The following MAGI1 variants were observed in gnomAD, a reference collection of about 807,000 sequenced individuals.
MAGI1 encodes membrane associated guanylate kinase, WW and PDZ domain containing 1.
In MAGI1, 58 loss-of-function variants were observed where a neutral mutation model predicts 139.9. That is an observed-to-expected ratio of 0.41 (90% CI 0.34 to 0.52). The LOEUF is 0.52. Ranked by LOEUF, MAGI1 falls within the 20% of genes least tolerant of loss-of-function variation. MAGI1 has a pLI of 0.12. For missense variants in MAGI1, 1,874 were observed against 1,901.6 expected, an observed-to-expected ratio of 0.99 and a Z score of 0.27; for synonymous variants, 812 against 737.9, an observed-to-expected ratio of 1.10 and a Z score of -1.63.
rs1294787264 is a variant in MAGI1 at position 65,356,493 on chromosome 3, C to T, written c.4274G>A (p.Ser1425Asn). ...ATTCGCCTCTTCCCTTTCTCGGTGG[C>T]TGGCTCTGTCCTCTCTGTTCCTTTT... ...LDKRNREDRA[S>N]HREREEANLK... The change falls in exon 23 of 23, where the codon AGC (serine) becomes AAC (asparagine). Residue 1425 changes from serine (S) to asparagine (N), a missense_variant. Transcript: ENST00000402939. 6.2e-7 allele frequency: 1 copy of T among 1,610,502 alleles called. No individual in the cohort carries two copies. Among genetic ancestry groups the T allele is most frequent in the African/African-American group, 1.3e-5 (1 of 74,704 alleles).
At chr3:66,012,512 A>C (rs2067374247) in intron 1 of MAGI1, among the ~76,000 whole-genome samples, 1 of 152,156 alleles carries the variant, frequency 6.6e-6, no homozygotes, top group South Asian at 2.1e-4. Context: ...AGATAAAAAC[A>C]GACAACCATT....
intron 3 of MAGI1, among the ~76,000 whole-genome samples, chr3:65,491,988 C>T (rs1575998066): frequency 6.6e-6 from 1 of 152,176 alleles, no homozygotes; most frequent in African/African-American, 2.4e-5. Flanking sequence ...CTCTAAGATT[C>T]ATGATCATGA....
intron 1 of MAGI1, among the ~76,000 whole-genome samples, chr3:65,888,364 T>C (rs1016806606): frequency 9.9e-5 from 15 of 152,166 alleles, no homozygotes; most frequent in South Asian, 4.1e-4. Flanking sequence ...CCAAGGGAAG[T>C]ACTGAGCAGG....
chr3:65,488,072 C>T (rs185859345), intron 3 of MAGI1, among the ~76,000 whole-genome samples: 3 of 152,186 alleles, frequency 2.0e-5, no homozygotes, highest in African/African-American at 4.8e-5. Context: ...CTAAGGGAAA[C>T]AGGGTGTGCT....
chr3:65,460,402 A>T (rs1949693947), intron 5 of MAGI1, among the ~76,000 whole-genome samples: 1 of 152,150 alleles, frequency 6.6e-6, no homozygotes, highest in Admixed American at 6.5e-5. Context: ...TCTGGAAGAC[A>T]TTATGTAGAA....
chr3:65,665,723 G>T (rs986346827), intron 1 of MAGI1, among the ~76,000 whole-genome samples: 2 of 152,050 alleles, frequency 1.3e-5, no homozygotes, highest in African/African-American at 4.8e-5. Flanking sequence ...ACAGTATGTG[G>T]ATCACTCTTG....
chr3:65,562,319 A>G (rs1217546286), intron 2 of MAGI1, among the ~76,000 whole-genome samples: 1 of 152,228 alleles, frequency 6.6e-6, no homozygotes, highest in Non-Finnish European at 1.5e-5. Flanking sequence ...CAGAAGAAAT[A>G]CTGCCAATTA....
At chr3:65,406,449 G>A (rs568179285) in intron 12 of MAGI1, among the ~76,000 whole-genome samples, 1 of 152,256 alleles carries the variant, frequency 6.6e-6, no homozygotes, top group South Asian at 2.1e-4. Flanking sequence ...GAATCCTAAA[G>A]TGTCTGTCAC....
chr3:65,549,333 T>A, intron 2 of MAGI1: 2 of 701,052 alleles, frequency 2.9e-6, no homozygotes, highest in Non-Finnish European at 3.5e-6. Flanking sequence ...CCGCCCAGTC[T>A]CCTTCCTCCC....
At chr3:65,630,222 T>C (rs958382651) in intron 1 of MAGI1, among the ~76,000 whole-genome samples, 1 of 152,062 alleles carries the variant, frequency 6.6e-6, no homozygotes, top group African/African-American at 2.4e-5. Flanking sequence ...ACAAGGACAA[T>C]ACAGAGCCCC....
chr3:65,966,907 C>T (rs2064774624), intron 1 of MAGI1, among the ~76,000 whole-genome samples: 1 of 152,116 alleles, frequency 6.6e-6, no homozygotes, highest in South Asian at 2.1e-4. Flanking sequence ...TTTCATATAC[C>T]AAATGGTTAA....
chr3:65,974,707 A>G (rs1207074373), intron 1 of MAGI1, among the ~76,000 whole-genome samples: 3 of 152,170 alleles, frequency 2.0e-5, no homozygotes, highest in Non-Finnish European at 4.4e-5. Flanking sequence ...AGGGGGCTTC[A>G]GTTCCTCACT....
intron 2 of MAGI1, among the ~76,000 whole-genome samples, chr3:65,603,667 A>T (rs1327948461): frequency 6.6e-6 from 1 of 152,214 alleles, no homozygotes; most frequent in Non-Finnish European, 1.5e-5. Flanking sequence ...AACAAAAAGG[A>T]ATAGCCTTGT....
Position 66,038,109 on chromosome 3 carries a change from C to G in MAGI1, c.200G>C (p.Gly67Ala). The G allele has an allele frequency of 6.2e-7, 1 of 1,612,836 alleles. No individual in the cohort carries two copies. Among genetic ancestry groups the G allele is most frequent in the Non-Finnish European group, 8.5e-7 (1 of 1,179,734 alleles). The change falls in exon 1 of 23, where the codon GGG (glycine) becomes GCG (alanine). Residue 67 changes from glycine to alanine, a missense_variant. Physicochemically the swap from Gly to Ala is moderately conservative, Grantham distance 60 (BLOSUM62 0). Around this residue, in one of 5 missense-constraint regions of MAGI1, gnomAD observed 648 missense variants for 598.1 expected, o/e 1.08. Transcript: ENST00000402939. ...GGGEGPRLGE[G>A]ELLLEVQGVR... is the part of the protein sequence containing the mutation. ...CCCCTGCACCTCCAGAAGCAGCTCC[C>G]CTTCGCCCAGCCTCGGGCCCTCGCC...
chr3:65,900,460 G>A (rs2061176493), intron 1 of MAGI1, among the ~76,000 whole-genome samples: 1 of 152,192 alleles, frequency 6.6e-6, no homozygotes, highest in South Asian at 2.1e-4. Context: ...AAAGGGCTTA[G>A]TATATGGTAA....
At chr3:65,946,166 T>A (rs895467119) in intron 1 of MAGI1, among the ~76,000 whole-genome samples, 1 of 152,226 alleles carries the variant, frequency 6.6e-6, no homozygotes, top group African/African-American at 2.4e-5. Flanking sequence ...TGGCACTTCC[T>A]GCCATTCCTG....
At chr3:65,720,311 C>G (rs1250118691) in intron 1 of MAGI1, among the ~76,000 whole-genome samples, 1 of 152,110 alleles carries the variant, frequency 6.6e-6, no homozygotes, top group Non-Finnish European at 1.5e-5. Flanking sequence ...GAGTCCTCTG[C>G]TCTCTCTGCT....
intron 1 of MAGI1, among the ~76,000 whole-genome samples, chr3:66,018,219 A>T (rs1284284096): frequency 1.3e-5 from 2 of 151,812 alleles, no homozygotes; most frequent in African/African-American, 2.4e-5. Context: ...CCCAACACAC[A>T]CAGGAGCAGC....
intron 1 of MAGI1, among the ~76,000 whole-genome samples, chr3:66,030,416 C>T (rs1050137327): frequency 1.3e-5 from 2 of 152,174 alleles, no homozygotes; most frequent in Non-Finnish European, 2.9e-5. Flanking sequence ...ACTGTTTTTG[C>T]TACTGGGGAT....
Sources: allele counts gnomAD v4.1 joint callset (sites outside exome capture counted in the v4.1 genomes callset), GRCh38; gene constraint gnomAD v4.1.1; regional missense constraint gnomAD v4.1.1; transcripts MANE v1.5; gene names NCBI Gene and HGNC (gene_info 2026-07-23, HGNC 2026-07-21).